The following SCTR variants were observed in gnomAD, a reference collection of about 807,000 sequenced individuals.
The protein encoded by SCTR is secretin receptor, also known as pancreatic secretin receptor.
Under a neutral mutation model 60.8 loss-of-function variants are expected in SCTR, and 56 were observed. The observed-to-expected ratio is 0.92, with a 90% confidence interval of 0.74 to 1.15. The LOEUF is 1.15. Ranked by LOEUF, SCTR falls within the 50% of genes most tolerant of loss-of-function variation. The probability of loss-of-function intolerance (pLI) is 0.00; values close to 1 mark genes in which losing one functional copy is unlikely to be tolerated. For missense variants in SCTR, 562 were observed against 550.4 expected (o/e 1.02, Z -0.21); for synonymous variants, 202 against 217.0 (o/e 0.93, Z 0.61).
intron 1 of SCTR, among the ~76,000 whole-genome samples, chr2:119,519,535 G>A (rs918778812): frequency 2.6e-5 from 4 of 152,042 alleles, no homozygotes; most frequent in African/African-American, 7.2e-5. Context: ...GAAGCTCTGC[G>A]GTGGCTCACG....
chr2:119,494,484 AG>A lies in SCTR; in HGVS notation c.136del (p.Leu46CysfsTer28). 6.2e-7 allele frequency: 1 copy of A among 1,614,086 alleles called. No individual in the cohort carries two copies. The highest frequency in any genetic ancestry group is 2.2e-5 in the East Asian group (1 of 44,870). ...QVLWEEQDQC[L>X]QELSREQTGD... The stretch of plus-strand genomic sequence containing the variant: ...TGTCTGCTCTCTGGAGAGTTCCTGC[AG>A]GCACTGGTCTTGCTCTTCCCACAGC... On this transcript the variant is annotated frameshift_variant, in exon 2 of 13. Transcript: ENST00000019103. LOFTEE classifies it high-confidence loss of function.
At chr2:119,503,158 CAAAA>C (rs61479294) in intron 1 of SCTR, among the ~76,000 whole-genome samples, 34 of 69,598 alleles carry the variant, frequency 4.9e-4, no homozygotes, top group African/African-American at 1.5e-3. Flanking sequence ...GACTCCATCT[CAAAA>C]AAAAAAAAAA....
chr2:119,459,739 C>A (rs1683524806), intron 7 of SCTR, among the ~76,000 whole-genome samples: 1 of 152,192 alleles, frequency 6.6e-6, no homozygotes, highest in South Asian at 2.1e-4. Flanking sequence ...TTCATTCCAA[C>A]ATCTTAAAAT....
chr2:119,441,580 AG>A lies in SCTR; in HGVS notation c.1159del (p.Leu387SerfsTer93), dbSNP rs1481608506. 9.9e-6 allele frequency: 16 copies of A among 1,613,114 alleles called. No homozygotes were observed. The highest frequency in any genetic ancestry group is 1.4e-5 in the Non-Finnish European group (16 of 1,179,532). On this transcript the variant is annotated frameshift_variant, in exon 12 of 13. Coordinates refer to ENST00000019103, the MANE Select transcript of SCTR (RefSeq NM_002980.3). LOFTEE classifies it high-confidence loss of function. Reference sequence around the variant, plus strand: ...CACCTCCCCATTGAGGAAGCAGTAGAGGACGGCCACCACCAGTCCCTGCCAG... The same window carrying A: ...CACCTCCCCATTGAGGAAGCAGTAGAGACGGCCACCACCAGTCCCTGCCAG... ...GSFQGLVVAV[L>X]YCFLNGEVQL...
At chr2:119,504,773 A>T (rs1678674525) in intron 1 of SCTR, among the ~76,000 whole-genome samples, 1 of 152,162 alleles carries the variant, frequency 6.6e-6, no homozygotes, top group South Asian at 2.1e-4. Flanking sequence ...TGTTAAGAAG[A>T]TGAAGAGACA....
chr2:119,515,967 A>C (rs1679100801), intron 1 of SCTR, among the ~76,000 whole-genome samples: 1 of 152,220 alleles, frequency 6.6e-6, no homozygotes, highest in Non-Finnish European at 1.5e-5. Flanking sequence ...CAGGTAAATG[A>C]AAAGCTGCTC....
intron 7 of SCTR, among the ~76,000 whole-genome samples, chr2:119,457,726 A>G (rs1489959195): frequency 6.6e-6 from 1 of 152,192 alleles, no homozygotes; most frequent in Non-Finnish European, 1.5e-5. Context: ...AAAAGAAAAA[A>G]TAATTTTATA....
At chr2:119,454,403 G>T (rs866360675) in intron 7 of SCTR, among the ~76,000 whole-genome samples, 1 of 152,190 alleles carries the variant, frequency 6.6e-6, no homozygotes, top group East Asian at 1.9e-4. Context: ...GCCCAGCAGA[G>T]GGTTGGAGGG....
intron 4 of SCTR, among the ~76,000 whole-genome samples, chr2:119,467,266 C>T (rs1349972126): frequency 6.6e-6 from 1 of 151,816 alleles, no homozygotes; most frequent in African/African-American, 2.4e-5. Flanking sequence ...GTAATCCCAG[C>T]TACTTGGAAG....
intron 4 of SCTR, among the ~76,000 whole-genome samples, chr2:119,466,838 A>G (rs1247232283): frequency 6.6e-6 from 1 of 152,190 alleles, no homozygotes; most frequent in Non-Finnish European, 1.5e-5. Flanking sequence ...TTCAACCTTT[A>G]GTTAAATTAA....
rs1293311225 is a variant in SCTR, at chr2:119,472,710, C to T, written c.405+743G>A. Among the ~76,000 whole-genome samples the T allele has an allele frequency of 1.3e-4, 20 of 152,184 alleles. 1 individual carries two copies. The highest frequency in any genetic ancestry group is 1.0e-3 in the Admixed American group (16 of 15,280). ...AGGTTAGAGTGCAGCGACACAATCA[C>T]TGCTCACTGCATCCTCAAACTCTCC... On this transcript the variant is annotated intron_variant, in intron 4 of 12. Coordinates refer to ENST00000019103, the MANE Select transcript of SCTR (RefSeq NM_002980.3).
chr2:119,466,905 A>C (rs1359882230), intron 4 of SCTR, among the ~76,000 whole-genome samples: 1 of 152,208 alleles, frequency 6.6e-6, no homozygotes, highest in African/African-American at 2.4e-5. Flanking sequence ...CACATAGCTG[A>C]AAAGCTCCAG....
chr2:119,453,459 AT>A, intron 7 of SCTR, 112 bp from the exon 8 acceptor site: 1 of 825,158 alleles, frequency 1.2e-6, no homozygotes, highest in Non-Finnish European at 2.0e-6. Flanking sequence ...AGGTGCCAAG[AT>A]TTGGTTTCCA....
rs751244887 is a variant in SCTR at position 119,448,786 on chromosome 2, A to C, written c.922-6T>G. On this transcript the variant is annotated splice_region_variant and splice_polypyrimidine_tract_variant and intron_variant, in intron 9 of 12. Transcript: ENST00000019103. The stretch of plus-strand genomic sequence containing the variant: ...ATGAAAAGGATGAAATTAATCTGCA[A>C]AACACAAGGCAGAGGTGGGGCTGAA... The C allele has an allele frequency of 6.5e-7, 1 of 1,526,794 alleles. No homozygotes were observed. The highest frequency in any genetic ancestry group is 1.1e-5 in the South Asian group (1 of 89,012). 94.6% of individuals were successfully genotyped at this position (1,526,794 alleles called of 1,614,324 possible). A position where few individuals can be genotyped will look rare whatever the true frequency, so the allele number is the denominator to read the frequency against.
chr2:119,509,395 A>C (rs1389727017), intron 1 of SCTR, among the ~76,000 whole-genome samples: 1 of 152,214 alleles, frequency 6.6e-6, no homozygotes, highest in Non-Finnish European at 1.5e-5. Flanking sequence ...GGCGGTATCA[A>C]TGTGTGTGAA....
chr2:119,519,476 G>A (rs988924605), intron 1 of SCTR, among the ~76,000 whole-genome samples: 2 of 152,142 alleles, frequency 1.3e-5, no homozygotes, highest in African/African-American at 2.4e-5. Flanking sequence ...TTGGGCACCA[G>A]AAACCCGGAA....
chr2:119,444,988 C>T (rs59537333), intron 11 of SCTR, among the ~76,000 whole-genome samples: 765 of 2,846 alleles, frequency 0.27, 273 homozygotes, highest in African/African-American at 0.73. Context: ...TATATTCGTA[C>T]GAATATATAT....
At chr2:119,455,130 A>C (rs932497054) in intron 7 of SCTR, among the ~76,000 whole-genome samples, 1 of 152,148 alleles carries the variant, frequency 6.6e-6, no homozygotes, top group African/African-American at 2.4e-5. Context: ...CGGGCCGCTC[A>C]GTTTTCAGGC....
At chr2:119,500,453 C>T (rs1344203206) in intron 1 of SCTR, among the ~76,000 whole-genome samples, 1 of 152,078 alleles carries the variant, frequency 6.6e-6, no homozygotes, top group African/African-American at 2.4e-5. Flanking sequence ...TCACAATAGC[C>T]AAGATATGGA....
Sources: allele counts gnomAD v4.1 joint callset (sites outside exome capture counted in the v4.1 genomes callset), GRCh38; gene constraint gnomAD v4.1.1; transcripts MANE v1.5; gene names NCBI Gene and HGNC (gene_info 2026-07-23, HGNC 2026-07-21).